FHIT: variants seen among roughly 807,000 people sequenced by gnomAD.
The protein encoded by FHIT is fragile histidine triad diadenosine triphosphatase.
A neutral mutation model predicts 17.9 loss-of-function variants in FHIT; 19 were observed. The ratio of observed to expected loss-of-function variants is 1.06; its 90% CI spans 0.74 to 1.56. The LOEUF is 1.56. FHIT is among the 40% of genes most tolerant of loss of function. The pLI is 0.00. For synonymous variants in FHIT, 81 were observed against 69.7 expected, an observed-to-expected ratio of 1.16 and a Z score of -0.81; for missense variants, 248 against 189.2, an observed-to-expected ratio of 1.31 and a Z score of -1.82.
At chr3:60,349,322 G>A (rs1170578306) in intron 5 of FHIT, among the ~76,000 whole-genome samples, 1 of 152,108 alleles carries the variant, frequency 6.6e-6, no homozygotes, top group African/African-American at 2.4e-5. Context: ...AAGATTCCAT[G>A]ATTTCAAGCT....
intron 3 of FHIT, among the ~76,000 whole-genome samples, chr3:61,020,736 A>G (rs2032375852): frequency 6.6e-6 from 1 of 152,160 alleles, no homozygotes; most frequent in Non-Finnish European, 1.5e-5. Flanking sequence ...AAATTGGATA[A>G]ACAGTCATGA....
chr3:61,141,087 C>A (rs1392035628), intron 2 of FHIT, among the ~76,000 whole-genome samples: 1 of 151,994 alleles, frequency 6.6e-6, no homozygotes, highest in East Asian at 1.9e-4. Flanking sequence ...ACACTTGGCA[C>A]AGTCATCTGA....
At chr3:60,449,247 C>T (rs2031553456) in intron 5 of FHIT, among the ~76,000 whole-genome samples, 1 of 152,050 alleles carries the variant, frequency 6.6e-6, no homozygotes, top group African/African-American at 2.4e-5. Flanking sequence ...AACCAGTGCC[C>T]CGGTCTGTAT....
intron 5 of FHIT, among the ~76,000 whole-genome samples, chr3:60,507,197 G>A (rs538569622): frequency 5.7e-4 from 87 of 152,228 alleles, no homozygotes; most frequent in African/African-American, 2.0e-3. Context: ...AGTTGGCATT[G>A]GTAGAATGAA....
intron 5 of FHIT, among the ~76,000 whole-genome samples, chr3:60,388,194 C>T (rs1402609541): frequency 6.6e-6 from 1 of 152,194 alleles, no homozygotes; most frequent in Non-Finnish European, 1.5e-5. Context: ...TTTCTAACCA[C>T]ATCTGAGATA....
At chr3:59,878,916 C>T (rs1703282337) in intron 8 of FHIT, among the ~76,000 whole-genome samples, 1 of 152,014 alleles carries the variant, frequency 6.6e-6, no homozygotes, top group Non-Finnish European at 1.5e-5. Flanking sequence ...TTGTTCATAT[C>T]TTATACTGTG....
At chr3:60,438,965 C>CT (rs2030543301) in intron 5 of FHIT, among the ~76,000 whole-genome samples, 1 of 152,100 alleles carries the variant, frequency 6.6e-6, no homozygotes, top group African/African-American at 2.4e-5. Context: ...ATATAAGAGA[C>CT]TGATGAAATA....
chr3:60,109,514 C>T (rs1704578854), intron 5 of FHIT, among the ~76,000 whole-genome samples: 1 of 152,118 alleles, frequency 6.6e-6, no homozygotes, highest in Admixed American at 6.5e-5. Context: ...TGAGAAGAAT[C>T]ACAACCCTTA....
At chr3:60,945,999 CTGAA>C (rs1348623376) in intron 3 of FHIT, among the ~76,000 whole-genome samples, 2 of 152,108 alleles carry the variant, frequency 1.3e-5, no homozygotes, top group African/African-American at 4.8e-5. Context: ...AGGTGGAAAG[CTGAA>C]TGAGGGTCAT....
intron 5 of FHIT, among the ~76,000 whole-genome samples, chr3:60,246,175 G>A (rs1170281310): frequency 6.6e-6 from 1 of 152,012 alleles, no homozygotes; most frequent in Non-Finnish European, 1.5e-5. Flanking sequence ...AAATGGAAAT[G>A]TAGAGAAAAA....
chr3:60,076,795 T>C (rs1703027506), intron 5 of FHIT, among the ~76,000 whole-genome samples: 1 of 86,320 alleles, frequency 1.2e-5, no homozygotes, highest in African/African-American at 4.0e-5. Flanking sequence ...GCAATCCTGA[T>C]AAATAAGAAA....
intron 1 of FHIT, among the ~76,000 whole-genome samples, chr3:61,211,393 C>T (rs567412174): frequency 4.6e-5 from 7 of 152,204 alleles, no homozygotes; most frequent in Non-Finnish European, 8.8e-5. Context: ...CACGGAGTCT[C>T]GCTGATTGCT....
intron 5 of FHIT, among the ~76,000 whole-genome samples, chr3:60,151,469 A>G (rs1433663400): frequency 6.6e-6 from 1 of 152,180 alleles, no homozygotes; most frequent in Non-Finnish European, 1.5e-5. Context: ...AAGAACCAGT[A>G]AATTCTTTTA....
intron 4 of FHIT, among the ~76,000 whole-genome samples, chr3:60,754,770 T>C (rs2042540457): frequency 6.6e-6 from 1 of 152,308 alleles, no homozygotes; most frequent in Non-Finnish European, 1.5e-5. Flanking sequence ...TTACCCTTTC[T>C]ACACTCATAG....
At chr3:60,857,060 T>C (rs904961089) in intron 3 of FHIT, among the ~76,000 whole-genome samples, 7 of 152,146 alleles carry the variant, frequency 4.6e-5, no homozygotes, top group African/African-American at 1.7e-4. Context: ...CTCCTTTACA[T>C]TGTAAGATCC....
intron 5 of FHIT, among the ~76,000 whole-genome samples, chr3:60,069,846 C>T (rs565781522): frequency 6.6e-6 from 1 of 152,140 alleles, no homozygotes; most frequent in Admixed American, 6.5e-5. Context: ...CACACATCTA[C>T]GGTGTCCTAA....
intron 4 of FHIT, among the ~76,000 whole-genome samples, chr3:60,554,602 T>C (rs141016253): frequency 0.023 from 3,483 of 152,276 alleles, 66 homozygotes; most frequent in Non-Finnish European, 0.035. Flanking sequence ...TCCTGTAGCA[T>C]CCCTTTATCA....
intron 4 of FHIT, among the ~76,000 whole-genome samples, chr3:60,683,298 A>G (rs1301762460): frequency 1.3e-5 from 2 of 152,192 alleles, no homozygotes; most frequent in Non-Finnish European, 2.9e-5. Context: ...TGCTGTATGC[A>G]ACAGAGAAGT....
At chr3:60,339,665 AG>A (rs1559833908) in intron 5 of FHIT, among the ~76,000 whole-genome samples, 2 of 152,316 alleles carry the variant, frequency 1.3e-5, no homozygotes, top group Admixed American at 1.3e-4. Context: ...ACATGACAAA[AG>A]TGGAATCCCT....
Sources: allele counts gnomAD v4.1 joint callset (sites outside exome capture counted in the v4.1 genomes callset), GRCh38; gene constraint gnomAD v4.1.1; transcripts MANE v1.5; gene names NCBI Gene and HGNC (gene_info 2026-07-23, HGNC 2026-07-21).